The following UTP18 variants were observed in gnomAD, a reference collection of about 807,000 sequenced individuals.
UTP18 encodes U3 small nucleolar RNA-associated protein 18 homolog.
A neutral mutation model predicts 61.1 loss-of-function variants in UTP18; 36 were observed. That is an observed-to-expected ratio of 0.59 (90% CI 0.45 to 0.78). The LOEUF is 0.78. Ranked by LOEUF, UTP18 falls within the 30% of genes least tolerant of loss-of-function variation. UTP18 has a pLI of 0.00. For synonymous variants in UTP18, 282 were observed against 251.1 expected, an observed-to-expected ratio of 1.12 and a Z score of -1.16; for missense variants, 753 against 693.9, an observed-to-expected ratio of 1.09 and a Z score of -0.96.
chr17:51,268,257 A>G (rs563807283), intron 3 of UTP18, among the ~76,000 whole-genome samples: 1 of 151,914 alleles, frequency 6.6e-6, no homozygotes, highest in Non-Finnish European at 1.5e-5. Flanking sequence ...CAATCTCCTG[A>G]CCTCGTGATC....
In UTP18 at chr17:51,275,969, A is replaced by G; in HGVS notation, c.815A>G (p.Asp272Gly). The G allele has an allele frequency of 1.9e-6, 3 of 1,611,012 alleles. No individual in the cohort carries two copies. The highest frequency in any genetic ancestry group is 2.5e-6 in the Non-Finnish European group (3 of 1,178,964). Residue 272 changes from aspartate (D) to glycine (G), a missense_variant, in exon 6 of 14, where the codon GAT becomes GGT. Coordinates refer to ENST00000225298, the MANE Select transcript of UTP18 (RefSeq NM_016001.3). Reference sequence around the variant, plus strand: ...CAGATTGTGATGGTTGCTGGATTAGATAATGCTGTATCACTATTTCAGGTA... The same window carrying G: ...CAGATTGTGATGGTTGCTGGATTAGGTAATGCTGTATCACTATTTCAGGTA... ...GAQIVMVAGL[D>G]NAVSLFQVDG...
intron 4 of UTP18, among the ~76,000 whole-genome samples, chr17:51,271,373 C>A (rs1904524547): frequency 6.6e-6 from 1 of 151,864 alleles, no homozygotes; most frequent in Admixed American, 6.6e-5. Context: ...GTGACGTGAT[C>A]TTGGCTCACT....
At chr17:51,280,355 C>T in intron 8 of UTP18, 34 bp from the exon 9 acceptor site, 1 of 1,601,696 alleles carries the variant, frequency 6.2e-7, no homozygotes, top group Non-Finnish European at 8.5e-7. Context: ...TGTATACTTT[C>T]TAACAGTTTG....
chr17:51,266,627 G>C (rs1328167678), intron 3 of UTP18, among the ~76,000 whole-genome samples: 1 of 152,154 alleles, frequency 6.6e-6, no homozygotes, highest in Admixed American at 6.5e-5. Flanking sequence ...TATTTGCTTT[G>C]TGTATTTGGG....
chr17:51,279,676 T>A (rs1037559066), intron 7 of UTP18, among the ~76,000 whole-genome samples: 1 of 152,230 alleles, frequency 6.6e-6, no homozygotes, highest in African/African-American at 2.4e-5. Flanking sequence ...TAATTTATCC[T>A]TTTAGTAAAT....
At chr17:51,295,748 T>G (rs1905353345) in intron 12 of UTP18, among the ~76,000 whole-genome samples, 2 of 152,194 alleles carry the variant, frequency 1.3e-5, no homozygotes, top group Non-Finnish European at 2.9e-5. Context: ...AAGTCATTGG[T>G]AGCTTGATGG....
chr17:51,284,058 T>C (rs1905034166), intron 9 of UTP18, among the ~76,000 whole-genome samples: 1 of 152,264 alleles, frequency 6.6e-6, no homozygotes, highest in Non-Finnish European at 1.5e-5. Flanking sequence ...ATTATAACAT[T>C]AATGTACAGG....
intron 1 of UTP18, among the ~76,000 whole-genome samples, 185 bp downstream of exon 1, chr17:51,261,111 A>G (rs1168218091): frequency 6.6e-6 from 1 of 152,200 alleles, no homozygotes; most frequent in Non-Finnish European, 1.5e-5. Context: ...TCCAGACTGA[A>G]AGTGCCTGGA....
At chr17:51,266,307 C>T in intron 3 of UTP18, 27 bp downstream of exon 3, 1 of 1,530,184 alleles carries the variant, frequency 6.5e-7, no homozygotes, top group Non-Finnish European at 8.8e-7. Flanking sequence ...ATATGATTTA[C>T]CAAGAGGTGT....
chr17:51,277,544 G>C (rs1040280499), intron 7 of UTP18, among the ~76,000 whole-genome samples: 1 of 152,134 alleles, frequency 6.6e-6, no homozygotes, highest in African/African-American at 2.4e-5. Flanking sequence ...CCCTACACCA[G>C]ACAAGCAATT....
At chr17:51,273,833 A>G (rs773570316) in intron 5 of UTP18, among the ~76,000 whole-genome samples, 5 of 152,134 alleles carry the variant, frequency 3.3e-5, no homozygotes, top group Non-Finnish European at 5.9e-5. Flanking sequence ...GCATCAGCCT[A>G]GTTCATACTG....
At chr17:51,265,939 A>G (rs1242119634) in intron 2 of UTP18, among the ~76,000 whole-genome samples, 1 of 152,192 alleles carries the variant, frequency 6.6e-6, no homozygotes, top group Non-Finnish European at 1.5e-5. Flanking sequence ...CTGTGTGCAG[A>G]TAAGTCATGA....
chr17:51,269,108 G>A (rs58879155), intron 4 of UTP18, among the ~76,000 whole-genome samples: 5,118 of 151,806 alleles, frequency 0.034, 304 homozygotes, highest in African/African-American at 0.12. Flanking sequence ...GTGACATGGC[G>A]AAACCCCATC....
chr17:51,272,066 C>T (rs541420089), intron 4 of UTP18, among the ~76,000 whole-genome samples: 53 of 152,002 alleles, frequency 3.5e-4, no homozygotes, highest in African/African-American at 1.2e-3. Context: ...GTCTTTCATT[C>T]TTAAATATAT....
chr17:51,263,091 A>G (rs1469751997), intron 1 of UTP18, among the ~76,000 whole-genome samples, 183 bp from the exon 2 acceptor site: 1 of 152,150 alleles, frequency 6.6e-6, no homozygotes, highest in Non-Finnish European at 1.5e-5. Context: ...AGTCGGTGCC[A>G]TTCTCTGATT....
intron 12 of UTP18, chr17:51,296,366 T>C (rs1173121446): frequency 6.6e-6 from 1 of 152,188 alleles, no homozygotes; most frequent in Non-Finnish European, 1.5e-5. Context: ...GGAATGTAAA[T>C]TGGTTTTGAG....
At chr17:51,265,506 G>T (rs906744297) in intron 2 of UTP18, among the ~76,000 whole-genome samples, 1 of 148,976 alleles carries the variant, frequency 6.7e-6, no homozygotes, top group Non-Finnish European at 1.5e-5. Context: ...TCAGTGATCC[G>T]CCTGTGTCTG....
intron 10 of UTP18, among the ~76,000 whole-genome samples, chr17:51,285,709 A>G (rs1227061500): frequency 6.6e-6 from 1 of 152,226 alleles, no homozygotes; most frequent in African/African-American, 2.4e-5. Flanking sequence ...CTGTTTTATT[A>G]TTAGTTGTGT....
intron 4 of UTP18, among the ~76,000 whole-genome samples, chr17:51,269,131 AC>A (rs1026148261): frequency 6.6e-6 from 1 of 151,916 alleles, no homozygotes; most frequent in African/African-American, 2.4e-5. Context: ...TACAAAAAAT[AC>A]AAAAATTAGC....
Sources: gnomAD v4.1 joint callset for allele counts (sites outside exome capture counted in the v4.1 genomes callset) on GRCh38, gnomAD v4.1.1 for gene constraint, MANE v1.5 for transcripts, NCBI Gene and HGNC (gene_info 2026-07-23, HGNC 2026-07-21) for gene names.